STK32C: variants seen among roughly 807,000 people sequenced by gnomAD.
The protein encoded by STK32C is serine/threonine kinase 32C, also known as serine/threonine-protein kinase 32C.
A neutral mutation model predicts 56.5 loss-of-function variants in STK32C; 31 were observed. That is an observed-to-expected ratio of 0.55 (90% confidence interval 0.41 to 0.74). The LOEUF (loss-of-function observed/expected upper bound fraction) is 0.74. STK32C is among the 30% of genes least tolerant of loss of function. STK32C has a pLI of 0.00. For synonymous variants in STK32C, 309 were observed against 289.4 expected (o/e 1.07, Z -0.69); for missense variants, 544 against 676.9 (o/e 0.80, Z 2.18).
At chr10:132,317,690 G>A (rs868501583) in intron 1 of STK32C, among the ~76,000 whole-genome samples, 1 of 152,186 alleles carries the variant, frequency 6.6e-6, no homozygotes, top group African/African-American at 2.4e-5. Flanking sequence ...TTGCACCAGT[G>A]CACTCCAGTT....
At chr10:132,308,302 G>A (rs1430500272), upstream of STK32C, among the ~76,000 whole-genome samples, 1 of 152,170 alleles carries the variant, frequency 6.6e-6, no homozygotes, top group Non-Finnish European at 1.5e-5. Context: ...CCCGGAGGTC[G>A]GCGTCCCTGG....
At chr10:132,245,416 G>GA (rs2063653195) in intron 2 of STK32C, among the ~76,000 whole-genome samples, 1 of 152,190 alleles carries the variant, frequency 6.6e-6, no homozygotes, top group East Asian at 1.9e-4. Flanking sequence ...CTGGTCAAGA[G>GA]AAAACAAAAG....
At chr10:132,249,554 AG>A (rs2063823059) in intron 1 of STK32C, among the ~76,000 whole-genome samples, 1 of 152,132 alleles carries the variant, frequency 6.6e-6, no homozygotes, top group Non-Finnish European at 1.5e-5. Flanking sequence ...TCCCTGCTCA[AG>A]GACCTGTTGG....
intron 1 of STK32C, among the ~76,000 whole-genome samples, chr10:132,271,726 C>T (rs567055980): frequency 6.6e-6 from 1 of 152,332 alleles, no homozygotes; most frequent in East Asian, 1.9e-4. Context: ...TGGGATCACC[C>T]GTTCCTGACC....
intron 10 of STK32C, among the ~76,000 whole-genome samples, chr10:132,212,161 G>T (rs994620835): frequency 4.6e-5 from 7 of 152,102 alleles, no homozygotes; most frequent in Non-Finnish European, 5.9e-5. Context: ...TGTCCAAAAA[G>T]AACAAAACTG....
chr10:132,282,662 TAAC>T (rs138489673), intron 1 of STK32C, among the ~76,000 whole-genome samples: 5 of 152,236 alleles, frequency 3.3e-5, no homozygotes, highest in East Asian at 3.9e-4. Context: ...AAAATAATAA[TAAC>T]AACGACGACG....
chr10:132,283,043 C>T (rs1044084595), intron 1 of STK32C, among the ~76,000 whole-genome samples: 2 of 152,232 alleles, frequency 1.3e-5, no homozygotes, highest in African/African-American at 4.8e-5. Flanking sequence ...AAGGCGGACC[C>T]CACTCCATGC....
intron 1 of STK32C, among the ~76,000 whole-genome samples, chr10:132,264,173 G>C (rs752779574): frequency 6.6e-6 from 1 of 152,216 alleles, no homozygotes; most frequent in Non-Finnish European, 1.5e-5. Context: ...TGAAGAGTAT[G>C]TTCTCAACAT....
chr10:132,210,423 A>AT (rs1201865432), intron 10 of STK32C, among the ~76,000 whole-genome samples: 1 of 152,158 alleles, frequency 6.6e-6, no homozygotes, highest in African/African-American at 2.4e-5. Context: ...TACCCAGCTA[A>AT]TTTTTGTAGA....
chr10:132,227,674 T>G (rs1028201866), intron 3 of STK32C, among the ~76,000 whole-genome samples: 2 of 152,152 alleles, frequency 1.3e-5, no homozygotes, highest in Non-Finnish European at 2.9e-5. Flanking sequence ...ACTCTCTCCC[T>G]CTCTGACTAG....
At chr10:132,325,421 C>T (rs1365397083) in intron 1 of STK32C, among the ~76,000 whole-genome samples, 16 of 151,942 alleles carry the variant, frequency 1.1e-4, no homozygotes, top group African/African-American at 3.9e-4. Flanking sequence ...GGCGTGGTGG[C>T]GGGTGCCTGT....
rs377535352 is a variant in STK32C, at chr10:132,224,497, G to T, written c.903C>A (p.Asn301Lys). 1.3e-6 allele frequency: 2 copies of T among 1,590,282 alleles called. No individual in the cohort carries two copies. The highest frequency in any genetic ancestry group is 2.3e-5 in the East Asian group (1 of 43,964). Residue 301 changes from asparagine to lysine, a missense_variant, in exon 8 of 12, where the codon AAC (asparagine) becomes AAA (lysine). Asn to Lys is a moderately conservative substitution (Grantham distance 94). Around this residue, in one of 3 missense-constraint regions of STK32C, gnomAD observed 277 missense variants for 309.3 expected, o/e 0.90. Transcript: ENST00000298630. ...ACAGCTGCACCAGGGACTCCACGGC[G>T]TTGCTGGAGTGGATGTCATAGGGCC... Reference protein sequence around the residue: ...GWRPYDIHSSNAVESLVQLFS... With the variant: ...GWRPYDIHSSKAVESLVQLFS...
At chr10:132,230,132 G>T (rs563367284) in intron 2 of STK32C, among the ~76,000 whole-genome samples, 1 of 152,334 alleles carries the variant, frequency 6.6e-6, no homozygotes, top group Non-Finnish European at 1.5e-5. Context: ...AAGCTTGAAC[G>T]AGGCCGCCTT....
At chr10:132,236,180 C>G (rs1026916346) in intron 2 of STK32C, among the ~76,000 whole-genome samples, 2 of 152,324 alleles carry the variant, frequency 1.3e-5, no homozygotes, top group African/African-American at 4.8e-5. Context: ...GTCAGGAGCA[C>G]AGAAAGGACC....
chr10:132,217,108 C>T (rs1042280490), intron 10 of STK32C, among the ~76,000 whole-genome samples: 1 of 152,258 alleles, frequency 6.6e-6, no homozygotes, highest in African/African-American at 2.4e-5. Flanking sequence ...GCCACAGACA[C>T]TCAATGCCAG....
intron 1 of STK32C, among the ~76,000 whole-genome samples, chr10:132,268,196 T>C (rs2064652835): frequency 6.9e-6 from 1 of 144,526 alleles, no homozygotes; most frequent in Non-Finnish European, 1.5e-5. Flanking sequence ...GGTTCAGCTC[T>C]ATGCCTGTGT....
At chr10:132,258,344 A>G (rs2814191) in intron 1 of STK32C, among the ~76,000 whole-genome samples, 121,852 of 152,288 alleles carry the variant, frequency 0.8, 49,525 homozygotes, top group African/African-American at 0.89. Flanking sequence ...TCCCCAAACC[A>G]TCAACAGCAC....
intron 2 of STK32C, among the ~76,000 whole-genome samples, chr10:132,237,458 C>G (rs2063333515): frequency 1.3e-5 from 2 of 152,390 alleles, no homozygotes; most frequent in South Asian, 4.1e-4. Flanking sequence ...AAAGGTGCAG[C>G]CTGGGTGACC....
chr10:132,273,634 A>G (rs2064902773), intron 1 of STK32C, among the ~76,000 whole-genome samples: 1 of 152,184 alleles, frequency 6.6e-6, no homozygotes, highest in African/African-American at 2.4e-5. Context: ...GGAGTTACTG[A>G]ATGAGTGAAG....
Sources: allele counts gnomAD v4.1 joint callset (sites outside exome capture counted in the v4.1 genomes callset), GRCh38; gene constraint gnomAD v4.1.1; regional missense constraint gnomAD v4.1.1; transcripts MANE v1.5; gene names NCBI Gene and HGNC (gene_info 2026-07-23, HGNC 2026-07-21).